DDHD1: variants seen among roughly 807,000 people sequenced by gnomAD.
The protein encoded by DDHD1 is DDHD domain containing 1.
A neutral mutation model predicts 96.4 loss-of-function variants in DDHD1; 49 were observed. That is an observed-to-expected ratio of 0.51 (90% CI 0.40 to 0.64). The LOEUF is 0.64. DDHD1 is among the 30% of genes least tolerant of loss of function. The probability of loss-of-function intolerance (pLI) is 0.00; values close to 1 mark genes in which losing one functional copy is unlikely to be tolerated. For missense variants in DDHD1, 1,106 were observed against 1,161.2 expected, an observed-to-expected ratio of 0.95 and a Z score of 0.69; for synonymous variants, 442 against 446.5, an observed-to-expected ratio of 0.99 and a Z score of 0.13.
intron 9 of DDHD1, 103 bp from the exon 10 acceptor site, chr14:53,056,015 G>C (rs1883025026): frequency 1.7e-5 from 16 of 954,242 alleles, no homozygotes; most frequent in Non-Finnish European, 2.0e-5. Flanking sequence ...AAACCTCCGA[G>C]AAGGAATTTA....
chr14:53,077,132 G>A (rs958536123), intron 4 of DDHD1, among the ~76,000 whole-genome samples: 9 of 151,552 alleles, frequency 5.9e-5, no homozygotes, highest in African/African-American at 1.7e-4. Flanking sequence ...TCTTTGTCCC[G>A]TTTCCTATAA....
At chr14:53,058,704 T>C (rs1212296140) in intron 8 of DDHD1, 78 bp from the exon 9 acceptor site, 15 of 1,264,102 alleles carry the variant, frequency 1.2e-5, no homozygotes, top group Non-Finnish European at 1.5e-5. Flanking sequence ...TAACGTAATA[T>C]ATGGCAAAAT....
At chr14:53,115,558 GT>G (rs1301583847) in intron 1 of DDHD1, among the ~76,000 whole-genome samples, 11 of 152,316 alleles carry the variant, frequency 7.2e-5, no homozygotes, top group Admixed American at 4.6e-4. Flanking sequence ...CCAGAAGACA[GT>G]GGGGGCCAAT....
chr14:53,072,539 G>T, intron 6 of DDHD1, 58 bp downstream of exon 6: 4 of 931,182 alleles, frequency 4.3e-6, no homozygotes, highest in Non-Finnish European at 6.2e-6. Flanking sequence ...TAAAAATTCA[G>T]GACATTTATA....
At chr14:53,093,281 A>C (rs1290919724) in intron 3 of DDHD1, 35 bp downstream of exon 3, 1 of 1,573,710 alleles carries the variant, frequency 6.4e-7, no homozygotes, top group African/African-American at 1.4e-5. Context: ...AGATTCCCAA[A>C]ATTTTGATAA....
chr14:53,086,551 C>T (rs1053603300), intron 4 of DDHD1, among the ~76,000 whole-genome samples: 13 of 117,064 alleles, frequency 1.1e-4, no homozygotes, highest in Admixed American at 9.7e-4. Context: ...CCAGCCAAAC[C>T]AAGCTTCATA....
intron 1 of DDHD1, among the ~76,000 whole-genome samples, chr14:53,121,813 A>G (rs957049028): frequency 6.6e-6 from 1 of 152,046 alleles, no homozygotes; most frequent in African/African-American, 2.4e-5. Context: ...TACCTAATGC[A>G]TGCAGGGCTT....
Position 53,061,426 on chromosome 14 carries a change from T to C in DDHD1, c.1767-225A>G, listed in dbSNP as rs929681329. On this transcript the variant is annotated intron_variant, in intron 7 of 12. Transcript: ENST00000673822. ...CGCTAGTTGTCATGATACCTGCTGTTAACAGCTTTTTTGTAGTAAAATGTG... is the reference window on the plus strand; with the variant it reads ...CGCTAGTTGTCATGATACCTGCTGTCAACAGCTTTTTTGTAGTAAAATGTG... 5 of 395,530 alleles carry C rather than the reference T, an allele frequency of 1.3e-5. No individual in the cohort carries two copies. In the Admixed American group the frequency reaches 1.7e-4, roughly 13 times the overall value. 24.5% of individuals were successfully genotyped at this position (395,530 alleles called of 1,614,324 possible).
chr14:53,140,434 GA>G (rs1890563999), intron 1 of DDHD1, among the ~76,000 whole-genome samples: 1 of 152,190 alleles, frequency 6.6e-6, no homozygotes, highest in Non-Finnish European at 1.5e-5. Context: ...GGGAGGCTTA[GA>G]CAGGAGAATT....
rs1387293644 is a variant in DDHD1 at position 53,152,566 on chromosome 14, GTCT to G, written c.530_532del (p.Lys177del). 19 of 1,613,784 alleles carry G rather than the reference GTCT, an allele frequency of 1.2e-5. No homozygotes were observed. The highest frequency in any genetic ancestry group is 1.5e-5 in the Non-Finnish European group (18 of 1,179,954). Reference sequence around the variant, plus strand: ...GTCGTAGCCGATGAAGGGCTTCCAGGTCTTCTTGTCCTCCTTGTAGAACCAGCG... The same window carrying G: ...GTCGTAGCCGATGAAGGGCTTCCAGGTCTTGTCCTCCTTGTAGAACCAGCG... On this transcript the variant is annotated inframe_deletion, in exon 1 of 13. Coordinates refer to ENST00000673822, the MANE Select transcript of DDHD1 (RefSeq NM_001160148.2).
chr14:53,103,184 G>T, intron 2 of DDHD1: 1 of 777,378 alleles, frequency 1.3e-6, no homozygotes, highest in Non-Finnish European at 2.0e-6. Flanking sequence ...ACAAAAATAT[G>T]CAAGTGCTGA....
Position 53,044,847 on chromosome 14 carries a change from T to A in DDHD1, c.*1921A>T, listed in dbSNP as rs943524600. The A allele has an allele frequency of 6.6e-6, 1 of 152,202 alleles. No homozygotes were observed. Among genetic ancestry groups the A allele is most frequent in the Non-Finnish European group, 1.5e-5 (1 of 68,042 alleles). The allele number at this position is 152,202 out of a possible 1,614,324, so 9.4% of individuals were successfully genotyped here. A position where few individuals can be genotyped will look rare whatever the true frequency, so the allele number is the denominator to read the frequency against. ...TACAAGTAAGCCACAGATTCTACTA[T>A]CTTATGAAGAAAGGAGGAGGTGAGA... On this transcript the variant is annotated 3_prime_UTR_variant, in exon 13 of 13. Coordinates refer to ENST00000673822, the MANE Select transcript of DDHD1 (RefSeq NM_001160148.2).
At chr14:53,096,503 A>C (rs1886896702) in intron 2 of DDHD1, among the ~76,000 whole-genome samples, 1 of 152,082 alleles carries the variant, frequency 6.6e-6, no homozygotes, top group African/African-American at 2.4e-5. Flanking sequence ...TTTAAAAAAG[A>C]ACATAACATT....
chr14:53,125,186 C>T (rs751715754), intron 1 of DDHD1, among the ~76,000 whole-genome samples: 1 of 152,140 alleles, frequency 6.6e-6, no homozygotes, highest in Non-Finnish European at 1.5e-5. Context: ...AGCCTTTTTG[C>T]AAATTTTAAT....
intron 8 of DDHD1, among the ~76,000 whole-genome samples, chr14:53,059,497 A>ACG (rs1883354679): frequency 6.6e-6 from 1 of 150,740 alleles, no homozygotes; most frequent in South Asian, 2.1e-4. Flanking sequence ...CGCCCACCTT[A>ACG]GCCTCCCAAA....
In DDHD1 at chr14:53,061,211, G is replaced by A; in HGVS notation, c.1767-10C>T. On this transcript the variant is annotated splice_polypyrimidine_tract_variant and intron_variant, in intron 7 of 12. Coordinates refer to ENST00000673822, the MANE Select transcript of DDHD1 (RefSeq NM_001160148.2). ...TTCTATTTCCTTCAGCCTAAGAAGG[G>A]GTATGAGATTATATACACACACGTA... The A allele has an allele frequency of 6.2e-7, 1 of 1,602,042 alleles. No individual in the cohort carries two copies. Among genetic ancestry groups the A allele is most frequent in the Non-Finnish European group, 8.5e-7 (1 of 1,176,192 alleles).
intron 4 of DDHD1, among the ~76,000 whole-genome samples, 182 bp from the exon 5 acceptor site, chr14:53,074,029 G>C (rs1884748479): frequency 6.6e-6 from 1 of 151,870 alleles, no homozygotes; most frequent in African/African-American, 2.4e-5. Flanking sequence ...TTCATTTCAT[G>C]GTTATTTTCC....
intron 4 of DDHD1, among the ~76,000 whole-genome samples, chr14:53,082,485 A>T (rs1231949521): frequency 4.3e-5 from 6 of 139,352 alleles, no homozygotes; most frequent in African/African-American, 1.4e-4. Context: ...TTGGCCGGGC[A>T]TGGTGGCTCA....
At position 53,045,234 on chromosome 14, in the gene DDHD1, T is replaced by G. The variant is rs1282713192; in HGVS notation, c.*1534A>C. The G allele has an allele frequency of 3.3e-5, 5 of 152,464 alleles. No individual in the cohort carries two copies. The highest frequency in any genetic ancestry group is 3.3e-4 in the Admixed American group (5 of 15,282). 9.4% of individuals were successfully genotyped at this position (152,464 alleles called of 1,614,324 possible). On this transcript the variant is annotated 3_prime_UTR_variant, in exon 13 of 13. Coordinates refer to ENST00000673822, the MANE Select transcript of DDHD1 (RefSeq NM_001160148.2). The stretch of plus-strand genomic sequence containing the variant: ...TTCAACCCAAGCTTTTCTTTTTTGT[T>G]TTTTAGAGACAGGGTCTGGCTCTGT...
Sources: gnomAD v4.1 joint callset for allele counts (sites outside exome capture counted in the v4.1 genomes callset) on GRCh38, gnomAD v4.1.1 for gene constraint, MANE v1.5 for transcripts, NCBI Gene and HGNC (gene_info 2026-07-23, HGNC 2026-07-21) for gene names.